CSRNP1: variants seen among roughly 807,000 people sequenced by gnomAD.
The protein encoded by CSRNP1 is cysteine/serine-rich nuclear protein 1.
CSRNP1 carries 8 observed loss-of-function variants against 25.0 expected under a neutral mutation model. The ratio of observed to expected loss-of-function variants is 0.32; its 90% confidence interval spans 0.19 to 0.58. CSRNP1 has a LOEUF of 0.58. CSRNP1 is among the 20% of genes least tolerant of loss of function. CSRNP1 has a pLI of 0.88. For missense variants in CSRNP1, 691 were observed against 773.1 expected (o/e 0.89, Z 1.26); for synonymous variants, 305 against 303.1 (o/e 1.01, Z -0.06).
In CSRNP1 at chr3:39,143,118, G is replaced by A. The variant is rs1575574758; in HGVS notation, c.1707C>T (p.Pro569=). ...TGTCCTCAAACTGGCTGTCAATAAA[G>A]GGATCTAGGGCTTCGGCGGCTGGCT... The part of the protein sequence containing the change: ...FSEPAAEALD[P]FIDSQFEDTV... Residue 569 remains proline (P), a synonymous_variant, in exon 5 of 5, where the codon CCC becomes CCT. Coordinates refer to ENST00000273153, the MANE Select transcript of CSRNP1 (RefSeq NM_033027.4). The A allele has an allele frequency of 3.1e-6, 5 of 1,612,518 alleles. No individual in the cohort carries two copies. The South Asian group carries it at 3.3e-5, about 11-fold the overall frequency.
Position 39,143,617 on chromosome 3 carries a change from C to A in CSRNP1, c.1208G>T (p.Gly403Val), listed in dbSNP as rs2039452544. ...TTCCTCCTCTTCCTCCTCCTCCCCA[C>A]CGAAGTCAGAGTCACTGAAACTCAA... is the stretch of plus-strand genomic sequence containing the variant. ...RILSFSDSDF[G>V]GEEEEEEEGS... is the part of the protein sequence containing the mutation. Residue 403 changes from glycine (G) to valine (V), a missense_variant, in exon 5 of 5, where the codon GGT becomes GTT. Gly to Val is a moderately radical substitution (Grantham distance 109). Transcript: ENST00000273153. The A allele has an allele frequency of 6.2e-6, 10 of 1,614,232 alleles. No homozygotes were observed. Among genetic ancestry groups the A allele is most frequent in the Non-Finnish European group, 8.5e-6 (10 of 1,180,050 alleles).
chr3:39,149,216 T>A (rs140393721), intron 1 of CSRNP1: 4 of 151,044 alleles, frequency 2.6e-5, no homozygotes, highest in Non-Finnish European at 5.9e-5. Context: ...ACGAAATACA[T>A]GCAAATGTTC....
intron 1 of CSRNP1, chr3:39,153,070 C>T (rs1258392457): frequency 6.6e-6 from 1 of 152,368 alleles, no homozygotes; most frequent in East Asian, 1.9e-4. Context: ...CGAGGAACTT[C>T]TGAAAAGTTC....
chr3:39,149,260 AAGTC>A (rs2039554334), intron 1 of CSRNP1: 1 of 152,176 alleles, frequency 6.6e-6, no homozygotes, highest in Admixed American at 6.5e-5. Flanking sequence ...GTGATGATAT[AAGTC>A]AGAGCAGTGG....
rs2039436101 is a variant in CSRNP1 at position 39,143,090 on chromosome 3, C to T, written c.1735G>A (p.Val579Ile). The T allele has an allele frequency of 6.2e-7, 1 of 1,604,036 alleles. No homozygotes were observed. The highest frequency in any genetic ancestry group is 8.5e-7 in the Non-Finnish European group (1 of 1,172,644). The change falls in exon 5 of 5, where the codon GTC becomes ATC. Residue 579 changes from valine to isoleucine, a missense_variant. Val to Ile is a conservative substitution (Grantham distance 29). Coordinates refer to ENST00000273153, the MANE Select transcript of CSRNP1 (RefSeq NM_033027.4). ...PFIDSQFEDT[V>I]PASLMEPVPV ...ACAGGCTCCATTAGAGATGCTGGGA[C>T]AGTGTCCTCAAACTGGCTGTCAATA...
intron 3 of CSRNP1, 138 bp downstream of exon 3, chr3:39,144,859 C>A: frequency 1.8e-6 from 2 of 1,083,816 alleles, no homozygotes; most frequent in Non-Finnish European, 2.6e-6. Context: ...TCCAATCAAG[C>A]CAATCACCAG....
Position 39,143,814 on chromosome 3 carries a change from G to T in CSRNP1, c.1011C>A (p.Pro337=), listed in dbSNP as rs1382089020. The change falls in exon 5 of 5, where the codon CCC becomes CCA. Residue 337 remains proline, a synonymous_variant. Coordinates refer to ENST00000273153, the MANE Select transcript of CSRNP1 (RefSeq NM_033027.4). ...ALVPTFPLAK[P]PMNNELGDNS... is the part of the protein sequence containing the mutation. Reference sequence around the variant, plus strand: ...TGTCTCCCAGCTCATTGTTCATGGGGGGCTTGGCCAGTGGGAAAGTAGGGA... The same window carrying T: ...TGTCTCCCAGCTCATTGTTCATGGGTGGCTTGGCCAGTGGGAAAGTAGGGA... 6.2e-7 allele frequency: 1 copy of T among 1,614,104 alleles called. No homozygotes were observed. The highest frequency in any genetic ancestry group is 8.5e-7 in the Non-Finnish European group (1 of 1,180,034).
At chr3:39,149,450 A>C (rs2039555793) in intron 1 of CSRNP1, 1 of 152,226 alleles carries the variant, frequency 6.6e-6, no homozygotes, top group Non-Finnish European at 1.5e-5. Context: ...TTATATACTT[A>C]CGCATTTTAT....
Position 39,144,414 on chromosome 3 carries a change from A to G in CSRNP1, c.503T>C (p.Leu168Pro), listed in dbSNP as rs890879591. ...ATCAATGGCATCCACCACAGGTGGC[A>G]GCCCTGCCTCTGCCTGGGGTACCCC... ...AAGVPQAEAG[L>P]PPVVDAIDDA... The change falls in exon 4 of 5, where the codon CTG becomes CCG. Residue 168 changes from leucine (L) to proline (P), a missense_variant. Coordinates refer to ENST00000273153, the MANE Select transcript of CSRNP1 (RefSeq NM_033027.4). 7.5e-6 allele frequency: 12 copies of G among 1,610,506 alleles called. No individual in the cohort carries two copies. The highest frequency in any genetic ancestry group is 1.3e-5 in the African/African-American group (1 of 74,896).
Position 39,145,272 on chromosome 3 carries a change from A to T in CSRNP1, c.206-16T>A, listed in dbSNP as rs1270779979. 6.4e-7 allele frequency: 1 copy of T among 1,551,252 alleles called. No homozygotes were observed. The highest frequency in any genetic ancestry group is 1.4e-5 in the African/African-American group (1 of 73,112). On this transcript the variant is annotated splice_polypyrimidine_tract_variant and intron_variant, in intron 2 of 4. Transcript: ENST00000273153. ...ATAGACAGGGCTAGAAAGCAGGCAAAGATGGGCTGGGGATTAGTTTTCAGT... is the reference window on the plus strand; with the variant it reads ...ATAGACAGGGCTAGAAAGCAGGCAATGATGGGCTGGGGATTAGTTTTCAGT...
chr3:39,149,925 T>C (rs553138735), intron 1 of CSRNP1: 1 of 152,256 alleles, frequency 6.6e-6, no homozygotes, highest in East Asian at 1.9e-4. Flanking sequence ...AAAATTCTTA[T>C]GTTGAGACTG....
chr3:39,143,666 C>G lies in CSRNP1; in HGVS notation c.1159G>C (p.Asp387His), dbSNP rs1432423237. The change falls in exon 5 of 5, where the codon GAT (aspartate) becomes CAT (histidine). Residue 387 changes from aspartate (D) to histidine (H), a missense_variant. By Grantham distance (81) the Asp-to-His change is moderately conservative. Transcript: ENST00000273153. The part of the protein sequence containing the change: ...LPGPGFQPGV[D>H]DDSLARILSF... ...AAGATGCGTGCCAGGCTGTCATCAT[C>G]AACGCCAGGCTGGAAGCCAGGGCCA... 6.2e-7 allele frequency: 1 copy of G among 1,614,200 alleles called. No individual in the cohort carries two copies. The highest frequency in any genetic ancestry group is 8.5e-7 in the Non-Finnish European group (1 of 1,180,042).
intron 1 of CSRNP1, 28 bp downstream of exon 1, chr3:39,153,410 G>A: frequency 1.1e-5 from 3 of 280,788 alleles, no homozygotes; most frequent in South Asian, 2.4e-5. Context: ...GTCCCGTCCT[G>A]CCGGGCCCGA....
chr3:39,144,903 G>T, intron 3 of CSRNP1, 94 bp downstream of exon 3: 2 of 1,402,108 alleles, frequency 1.4e-6, no homozygotes, highest in East Asian at 2.4e-5. Flanking sequence ...ACCATAATGA[G>T]CAAGTCAGCA....
chr3:39,144,342 C>T lies in CSRNP1; in HGVS notation c.575G>A (p.Arg192Gln), dbSNP rs532218961. 2.8e-5 allele frequency: 45 copies of T among 1,614,106 alleles called. No homozygotes were observed. The highest frequency in any genetic ancestry group is 2.5e-4 in the East Asian group (11 of 44,874). The change falls in exon 4 of 5, where the codon CGG becomes CAG. Residue 192 changes from arginine to glutamine, a missense_variant. Arg to Gln is a conservative substitution (Grantham distance 43, BLOSUM62 1). Coordinates refer to ENST00000273153, the MANE Select transcript of CSRNP1 (RefSeq NM_033027.4). ...CTGTAGGAAGCTCACTTCTTCCAAC[C>T]GGCCACCTGCCACAGCGACTGCCAA... is the stretch of plus-strand genomic sequence containing the variant. Reference protein sequence around the residue: ...EDLAVAVAGGRLEEVSFLQPY... With the variant: ...EDLAVAVAGGQLEEVSFLQPY...
In CSRNP1 at chr3:39,144,236, C is replaced by T. The variant is rs772474271; in HGVS notation, c.681G>A (p.Leu227=). The T allele has an allele frequency of 6.2e-7, 1 of 1,614,198 alleles. No homozygotes were observed. The highest frequency in any genetic ancestry group is 1.1e-5 in the South Asian group (1 of 91,092). ...RRIDREEKRE[L]QALRQSREDC... is the part of the protein sequence containing the mutation. ...CCTCCCGGGATTGGCGCAGTGCCTG[C>T]AGCTCCCGCTTCTCCTCCCGATCGA... Residue 227 remains leucine (L), a synonymous_variant, in exon 4 of 5, where the codon CTG becomes CTA. Coordinates refer to ENST00000273153, the MANE Select transcript of CSRNP1 (RefSeq NM_033027.4).
chr3:39,144,691 T>C (rs1202955110), intron 3 of CSRNP1, among the ~76,000 whole-genome samples: 1 of 151,752 alleles, frequency 6.6e-6, no homozygotes, highest in Non-Finnish European at 1.5e-5. Context: ...CAGACTCCCT[T>C]TCCTAACCAG....
chr3:39,143,232 G>A lies in CSRNP1; in HGVS notation c.1593C>T (p.Asn531=), dbSNP rs2039440806. The A allele has an allele frequency of 2.5e-6, 4 of 1,614,202 alleles. No individual in the cohort carries two copies. Among genetic ancestry groups the A allele is most frequent in the Non-Finnish European group, 3.4e-6 (4 of 1,180,034 alleles). The change falls in exon 5 of 5, where the codon AAC becomes AAT. Residue 531 remains asparagine (N), a synonymous_variant. Transcript: ENST00000273153. The part of the protein sequence containing the change: ...TSQKVSDSLD[N]IEAPHFPLPG... Reference sequence around the variant, plus strand: ...GCAGGGGGAAGTGAGGTGCCTCGATGTTGTCCAGGCTGTCAGACACCTTCT... The same window carrying A: ...GCAGGGGGAAGTGAGGTGCCTCGATATTGTCCAGGCTGTCAGACACCTTCT...
intron 1 of CSRNP1, chr3:39,152,944 A>T (rs2039604372): frequency 6.7e-6 from 1 of 149,708 alleles, no homozygotes; most frequent in African/African-American, 2.5e-5. Context: ...TCATCCCTCC[A>T]CTCCCTCCCT....
Sources: gnomAD v4.1 joint callset for allele counts (sites outside exome capture counted in the v4.1 genomes callset) on GRCh38, gnomAD v4.1.1 for gene constraint, MANE v1.5 for transcripts, NCBI Gene and HGNC (gene_info 2026-07-23, HGNC 2026-07-21) for gene names.